Variants in DLGAP2 observed in about 807,000 individuals in gnomAD.
DLGAP2 encodes DLG associated protein 2.
In DLGAP2, 26 loss-of-function variants were observed where a neutral mutation model predicts 100.3. The observed-to-expected ratio is 0.26, with a 90% confidence interval of 0.19 to 0.36. The LOEUF is 0.36. Among genes scored for constraint, DLGAP2 ranks in the 10% least tolerant of loss-of-function variants. The pLI is 1.00. For missense variants in DLGAP2, 1,858 were observed against 1,453.2 expected (o/e 1.28, Z -4.53); for synonymous variants, 886 against 630.1 (o/e 1.41, Z -6.08).
intron 3 of DLGAP2, among the ~76,000 whole-genome samples, chr8:1,289,914 A>G (rs925549691): frequency 2.6e-5 from 4 of 152,246 alleles, no homozygotes; most frequent in Non-Finnish European, 5.9e-5. Context: ...AGTTCAGTAT[A>G]TTCTTGACCA....
intron 1 of DLGAP2, among the ~76,000 whole-genome samples, chr8:772,139 G>A (rs547974524): frequency 5.3e-5 from 8 of 152,112 alleles, no homozygotes; most frequent in South Asian, 4.2e-4. Flanking sequence ...GGGCTGAAGC[G>A]ATTCTCCTGC....
At chr8:1,001,538 G>C (rs1800956203) in intron 2 of DLGAP2, among the ~76,000 whole-genome samples, 1 of 152,114 alleles carries the variant, frequency 6.6e-6, no homozygotes, top group African/African-American at 2.4e-5. Context: ...TATTGAGGAA[G>C]GTGTCATGAA....
At chr8:1,635,690 A>G (rs960283154) in intron 8 of DLGAP2, among the ~76,000 whole-genome samples, 1 of 152,248 alleles carries the variant, frequency 6.6e-6, no homozygotes, top group Non-Finnish European at 1.5e-5. Context: ...AAAAGGTAAA[A>G]GTTGATGTTA....
At chr8:946,937 C>A (rs886121985) in intron 2 of DLGAP2, among the ~76,000 whole-genome samples, 2 of 152,190 alleles carry the variant, frequency 1.3e-5, no homozygotes, top group African/African-American at 4.8e-5. Context: ...TGTCCTGCTG[C>A]CGGGGTTGCG....
chr8:1,186,094 C>T (rs948389214), intron 2 of DLGAP2, among the ~76,000 whole-genome samples: 1 of 152,182 alleles, frequency 6.6e-6, no homozygotes, highest in African/African-American at 2.4e-5. Context: ...CCCGGGCCAC[C>T]TCCCCACTCG....
chr8:1,636,802 T>C (rs1365830167), intron 8 of DLGAP2, among the ~76,000 whole-genome samples: 2 of 152,244 alleles, frequency 1.3e-5, no homozygotes, highest in East Asian at 1.9e-4. Context: ...GGTGAGAACA[T>C]ATTTTAAAAC....
chr8:1,381,725 C>T (rs1454953772), intron 3 of DLGAP2, among the ~76,000 whole-genome samples: 1 of 151,558 alleles, frequency 6.6e-6, no homozygotes, highest in African/African-American at 2.4e-5. Flanking sequence ...CCTCCAGCTC[C>T]ATCGCGTTGC....
At position 1,588,377 on chromosome 8, in the gene DLGAP2, C is replaced by T. The variant is rs142210380; in HGVS notation, c.1442+22483C>T. On this transcript the variant is annotated intron_variant, in intron 6 of 14. Coordinates refer to ENST00000637795, the MANE Select transcript of DLGAP2 (RefSeq NM_001346810.2). ...GTGGAATCACACCATTAGTAGAACC[C>T]GGTGCTAACCTTGAAGCAGCAGCGA... Among the ~76,000 whole-genome samples the T allele has an allele frequency of 3.0e-3, 462 of 152,194 alleles. 4 individuals carry two copies. Among genetic ancestry groups the T allele is most frequent in the African/African-American group, 9.9e-3 (411 of 41,534 alleles).
At chr8:1,038,651 A>G (rs1019507411) in intron 2 of DLGAP2, among the ~76,000 whole-genome samples, 12 of 152,240 alleles carry the variant, frequency 7.9e-5, no homozygotes, top group South Asian at 6.2e-4. Flanking sequence ...TAATTTCACA[A>G]TGTGCCTCCC....
At chr8:1,085,088 A>G (rs1018967001) in intron 2 of DLGAP2, among the ~76,000 whole-genome samples, 6 of 152,200 alleles carry the variant, frequency 3.9e-5, no homozygotes, top group Admixed American at 6.5e-5. Flanking sequence ...GTGATTTGAT[A>G]TTGACTGGCA....
chr8:907,699 A>G lies in DLGAP2; in HGVS notation c.19-213A>G, dbSNP rs572130569. Reference sequence around the variant, plus strand: ...CATTCCCATTCCAGAAACGGCATAGATGATAATCACACTCACCTGATTAAC... The same window carrying G: ...CATTCCCATTCCAGAAACGGCATAGGTGATAATCACACTCACCTGATTAAC... On this transcript the variant is annotated intron_variant, in intron 1 of 14. Coordinates refer to ENST00000637795, the MANE Select transcript of DLGAP2 (RefSeq NM_001346810.2). Among the ~76,000 whole-genome samples the G allele has an allele frequency of 2.0e-5, 3 of 152,310 alleles. No homozygotes were observed. The South Asian group carries it at 6.2e-4, about 32-fold the overall frequency.
At chr8:1,680,571 T>C (rs566522281) in intron 12 of DLGAP2, 3 of 152,376 alleles carry the variant, frequency 2.0e-5, no homozygotes, top group Non-Finnish European at 4.4e-5. Flanking sequence ...ACGCCGAATG[T>C]TGGGGAGATG....
intron 2 of DLGAP2, among the ~76,000 whole-genome samples, chr8:940,088 C>T (rs937456876): frequency 1.3e-5 from 2 of 151,996 alleles, no homozygotes; most frequent in Non-Finnish European, 2.9e-5. Context: ...GGAATGTGAA[C>T]GAAGGCCACA....
At chr8:839,884 G>A (rs899951051) in intron 1 of DLGAP2, among the ~76,000 whole-genome samples, 5 of 152,190 alleles carry the variant, frequency 3.3e-5, no homozygotes, top group Non-Finnish European at 7.3e-5. Flanking sequence ...TCCCCAGGCC[G>A]TTTGGCCTGT....
intron 3 of DLGAP2, among the ~76,000 whole-genome samples, chr8:1,368,088 CTGTTG>C (rs1221892134): frequency 1.3e-5 from 2 of 152,138 alleles, no homozygotes; most frequent in Non-Finnish European, 1.5e-5. Context: ...TCCTGTGTTG[CTGTTG>C]TGTTGAGTGC....
intron 5 of DLGAP2, among the ~76,000 whole-genome samples, chr8:1,560,093 A>G (rs1381517284): frequency 6.6e-6 from 1 of 152,240 alleles, no homozygotes; most frequent in Non-Finnish European, 1.5e-5. Flanking sequence ...GGTGTTTATT[A>G]CAAAAGTCAT....
intron 6 of DLGAP2, among the ~76,000 whole-genome samples, chr8:1,589,011 C>A (rs1305858163): frequency 2.0e-5 from 3 of 152,178 alleles, no homozygotes. Flanking sequence ...GGTATTTGAG[C>A]AAATGCCATG....
chr8:833,432 C>G (rs1338300090), intron 1 of DLGAP2, among the ~76,000 whole-genome samples: 1 of 152,184 alleles, frequency 6.6e-6, no homozygotes, highest in Non-Finnish European at 1.5e-5. Flanking sequence ...GGACCTGTTT[C>G]TCAGCGTTTC....
Position 787,439 on chromosome 8 carries a change from C to T in DLGAP2, c.18+49614C>T, listed in dbSNP as rs746623644. Among the ~76,000 whole-genome samples the T allele has an allele frequency of 3.3e-5, 5 of 152,228 alleles. No homozygotes were observed. In the East Asian group the frequency reaches 9.6e-4, roughly 29 times the overall value. On this transcript the variant is annotated intron_variant, in intron 1 of 14. Transcript: ENST00000637795. ...TATCTTCTAACTTCTCTCCGCTTCT[C>T]CAAAGAGAGCGCCCTTCTCCACGCC... is the stretch of plus-strand genomic sequence containing the variant.
Sources: allele counts gnomAD v4.1 joint callset (sites outside exome capture counted in the v4.1 genomes callset), GRCh38; gene constraint gnomAD v4.1.1; transcripts MANE v1.5; gene names NCBI Gene and HGNC (gene_info 2026-07-23, HGNC 2026-07-21).